Variants in SSUH2 observed in about 807,000 individuals in gnomAD.
The protein encoded by SSUH2 is ssu-2 homolog, also known as protein SSUH2 homolog.
A neutral mutation model predicts 55.3 loss-of-function variants in SSUH2; 47 were observed. The observed-to-expected ratio is 0.85, with a 90% CI of 0.67 to 1.08. The LOEUF (loss-of-function observed/expected upper bound fraction) is 1.08. Among genes scored for constraint, SSUH2 ranks in the 50% least tolerant of loss-of-function variants. SSUH2 has a pLI of 0.00. For missense variants in SSUH2, 535 were observed against 490.7 expected, an observed-to-expected ratio of 1.09 and a Z score of -0.85; for synonymous variants, 212 against 191.5, an observed-to-expected ratio of 1.11 and a Z score of -0.89.
intron 3 of SSUH2, chr3:8,634,635 C>T: frequency 3.2e-6 from 4 of 1,252,928 alleles, no homozygotes; most frequent in Non-Finnish European, 4.2e-6. Context: ...CCGGAGGAAG[C>T]AGGGTTCTTC....
At chr3:8,662,123 T>C (rs552731592) in intron 6 of SSUH2, among the ~76,000 whole-genome samples, 1 of 152,322 alleles carries the variant, frequency 6.6e-6, no homozygotes, top group Non-Finnish European at 1.5e-5. Flanking sequence ...GAAAGTACAC[T>C]AATACACATG....
chr3:8,623,156 T>C (rs1043010919), intron 11 of SSUH2, among the ~76,000 whole-genome samples: 3 of 151,964 alleles, frequency 2.0e-5, no homozygotes, highest in African/African-American at 7.2e-5. Flanking sequence ...GGGCTGGGGG[T>C]TGGGAAGTGC....
rs1328636938 is a variant in SSUH2, at chr3:8,622,260, C to A, written c.981+1289G>T. On this transcript the variant is annotated intron_variant, in intron 11 of 11. Coordinates refer to ENST00000544814, the MANE Select transcript of SSUH2 (RefSeq NM_001256748.3). Reference sequence around the variant, plus strand: ...AAAAGATTCAGAGAAGTGACCTCCACTCCCATTATACTCCTTTTTAAAGAA... The same window carrying A: ...AAAAGATTCAGAGAAGTGACCTCCAATCCCATTATACTCCTTTTTAAAGAA... Among the ~76,000 whole-genome samples the A allele has an allele frequency of 2.6e-5, 4 of 152,326 alleles. 1 individual carries two copies. The highest frequency in any genetic ancestry group is 6.8e-3 in the Middle Eastern group (2 of 294).
intron 6 of SSUH2, 41 bp downstream of exon 6, chr3:8,630,764 G>A (rs779148869): frequency 1.5e-6 from 2 of 1,340,246 alleles, no homozygotes; most frequent in Non-Finnish European, 1.9e-6. Context: ...GCCTCTCAGG[G>A]AGAAGGGCAA....
chr3:8,677,902 C>T (rs1000286150), intron 2 of SSUH2, among the ~76,000 whole-genome samples: 2 of 150,886 alleles, frequency 1.3e-5, no homozygotes, highest in Non-Finnish European at 2.9e-5. Flanking sequence ...TATCATCTCC[C>T]CCTCTGGAGA....
In SSUH2 at chr3:8,619,805, G is replaced by C. The variant is rs1424173788; in HGVS notation, c.*63C>G. On this transcript the variant is annotated 3_prime_UTR_variant, in exon 12 of 12. Transcript: ENST00000544814. ...ATGCAGCCAACAGTGAACACACTCA[G>C]AGAGTGTCGGCCATCTTCCTTGGCA... is the stretch of plus-strand genomic sequence containing the variant. 6.4e-7 allele frequency: 1 copy of C among 1,563,200 alleles called. No individual in the cohort carries two copies. Among genetic ancestry groups the C allele is most frequent in the Non-Finnish European group, 8.7e-7 (1 of 1,146,044 alleles).
At chr3:8,681,735 G>A (rs1387067028) in intron 1 of SSUH2, among the ~76,000 whole-genome samples, 45 of 150,136 alleles carry the variant, frequency 3.0e-4, no homozygotes, top group African/African-American at 9.1e-4. Context: ...CCTGGGAGGC[G>A]GGGAGTGAGA....
intron 6 of SSUH2, among the ~76,000 whole-genome samples, chr3:8,660,740 T>G (rs1318328358): frequency 6.6e-6 from 1 of 152,236 alleles, no homozygotes; most frequent in African/African-American, 2.4e-5. Flanking sequence ...TGACCTATCA[T>G]ATGATTAGCT....
intron 4 of SSUH2, among the ~76,000 whole-genome samples, chr3:8,633,393 C>G (rs1232453456): frequency 1.3e-5 from 2 of 151,922 alleles, no homozygotes; most frequent in African/African-American, 2.4e-5. Context: ...ATCCTGACCT[C>G]AGGTGATCCA....
At chr3:8,680,078 G>T (rs11929093) in intron 1 of SSUH2, among the ~76,000 whole-genome samples, 26 of 152,102 alleles carry the variant, frequency 1.7e-4, no homozygotes, top group African/African-American at 5.8e-4. Flanking sequence ...AGCCTTTTCC[G>T]TTGTATGCAT....
chr3:8,662,946 C>A (rs998190142), intron 6 of SSUH2, among the ~76,000 whole-genome samples: 3 of 152,198 alleles, frequency 2.0e-5, no homozygotes, highest in African/African-American at 7.2e-5. Context: ...AAATAAGTAC[C>A]AAGGCCATAT....
chr3:8,675,390 C>T (rs890064251), intron 3 of SSUH2, among the ~76,000 whole-genome samples: 6 of 152,192 alleles, frequency 3.9e-5, no homozygotes, highest in Non-Finnish European at 7.3e-5. Context: ...CCACCAGAGA[C>T]CTAGGCTGCG....
chr3:8,674,123 G>A (rs962620942), intron 3 of SSUH2, among the ~76,000 whole-genome samples: 45 of 152,224 alleles, frequency 3.0e-4, no homozygotes, highest in African/African-American at 1.1e-3. Context: ...AGTAAGCCGC[G>A]AGGAAAAGCG....
intron 7 of SSUH2, 37 bp from the exon 8 acceptor site, chr3:8,627,820 C>T (rs369635093): frequency 6.3e-7 from 1 of 1,578,744 alleles, no homozygotes; most frequent in Non-Finnish European, 8.6e-7. Flanking sequence ...CCGCTGGCCT[C>T]CCAGGAAGCA....
intron 5 of SSUH2, among the ~76,000 whole-genome samples, chr3:8,631,677 C>T (rs184112974): frequency 5.9e-4 from 90 of 151,752 alleles, no homozygotes; most frequent in Non-Finnish European, 2.7e-4. Flanking sequence ...GGTGGCAAGG[C>T]GAATGGGGAG....
At chr3:8,679,019 TC>T (rs770224925) in intron 2 of SSUH2, among the ~76,000 whole-genome samples, 3 of 89,674 alleles carry the variant, frequency 3.3e-5, no homozygotes, top group African/African-American at 1.2e-4. Context: ...CAGCCCCTCT[TC>T]CCCCCCTGGC....
upstream of SSUH2, among the ~76,000 whole-genome samples, chr3:8,648,907 C>A (rs571500660): frequency 2.0e-5 from 3 of 152,284 alleles, no homozygotes; most frequent in African/African-American, 7.2e-5. Flanking sequence ...TGGTCACCTT[C>A]CCCTGGGTGC....
At chr3:8,644,886 G>C (rs1055511581), upstream of SSUH2, 2 of 783,110 alleles carry the variant, frequency 2.6e-6, no homozygotes, top group Admixed American at 2.0e-5. Flanking sequence ...ATACAACAAA[G>C]GGAAACATCT....
At chr3:8,670,278 A>G (rs573785562) in intron 5 of SSUH2, among the ~76,000 whole-genome samples, 69 of 152,270 alleles carry the variant, frequency 4.5e-4, no homozygotes, top group African/African-American at 1.6e-3. Flanking sequence ...CCGACCTTAC[A>G]GATCACGTCA....
Sources: allele counts gnomAD v4.1 joint callset (sites outside exome capture counted in the v4.1 genomes callset), GRCh38; gene constraint gnomAD v4.1.1; transcripts MANE v1.5; gene names NCBI Gene and HGNC (gene_info 2026-07-23, HGNC 2026-07-21).